LRRC31: variants seen among roughly 807,000 people sequenced by gnomAD.
LRRC31 encodes the protein leucine-rich repeat-containing protein 31.
In LRRC31, 35 loss-of-function variants were observed where a neutral mutation model predicts 46.7. The observed-to-expected ratio is 0.75, with a 90% confidence interval of 0.57 to 0.99. The LOEUF is 0.99. LRRC31 is among the 50% of genes least tolerant of loss of function. The probability of loss-of-function intolerance (pLI) is 0.00; values close to 1 mark genes in which losing one functional copy is unlikely to be tolerated. For missense variants in LRRC31, 613 were observed against 626.1 expected, an observed-to-expected ratio of 0.98 and a Z score of 0.22; for synonymous variants, 236 against 235.1, an observed-to-expected ratio of 1.00 and a Z score of -0.03.
chr3:169,856,973 G>A, intron 3 of LRRC31, 101 bp from the exon 4 acceptor site: 1 of 1,182,878 alleles, frequency 8.5e-7, no homozygotes, highest in Non-Finnish European at 1.2e-6. Flanking sequence ...TGTGGAAACT[G>A]GGCCAGGTAC....
intron 1 of LRRC31, among the ~76,000 whole-genome samples, chr3:169,862,344 C>CT (rs1781192438): frequency 6.6e-6 from 1 of 152,154 alleles, no homozygotes; most frequent in African/African-American, 2.4e-5. Context: ...GAAACTAGGC[C>CT]TGGGAGAGCT....
At chr3:169,857,345 T>TATACAC (rs1491209579) in intron 3 of LRRC31, among the ~76,000 whole-genome samples, 26 of 89,400 alleles carry the variant, frequency 2.9e-4, no homozygotes, top group African/African-American at 1.2e-3. Context: ...TATATATATA[T>TATACAC]ACACACACAC....
At chr3:169,844,945 A>G (rs1189755782) in intron 8 of LRRC31, among the ~76,000 whole-genome samples, 1 of 150,634 alleles carries the variant, frequency 6.6e-6, no homozygotes, top group Non-Finnish European at 1.5e-5. Context: ...AAAAAAAAAA[A>G]AAACAAAACA....
At chr3:169,849,968 G>T (rs1265813627) in intron 7 of LRRC31, among the ~76,000 whole-genome samples, 2 of 152,144 alleles carry the variant, frequency 1.3e-5, no homozygotes, top group Non-Finnish European at 2.9e-5. Flanking sequence ...CATCAGGCCT[G>T]CTACGTTAAC....
At chr3:169,857,345 T>TATATATATATACACACAC (rs1491209579) in intron 3 of LRRC31, among the ~76,000 whole-genome samples, 1 of 89,446 alleles carries the variant, frequency 1.1e-5, no homozygotes, top group Non-Finnish European at 2.1e-5. Flanking sequence ...TATATATATA[T>TATATATATATACACACAC]ACACACACAC....
Position 169,840,203 on chromosome 3 carries a change from G to C in LRRC31, c.1438C>G (p.Leu480Val). Residue 480 changes from leucine (L) to valine (V), a missense_variant, in exon 9 of 9, where the codon CTC (leucine) becomes GTC (valine). By Grantham distance (32) the Leu-to-Val change is conservative. Coordinates refer to ENST00000316428, the MANE Select transcript of LRRC31 (RefSeq NM_024727.4). ...ATATCCAGCTCGATTAGCTCTTTGA[G>C]GAACCGCACGTTTTGGCAGAACATG... Reference protein sequence around the residue: ...WTMFCQNVRFLKELIELDISL... With the variant: ...WTMFCQNVRFVKELIELDISL... The C allele has an allele frequency of 6.2e-7, 1 of 1,614,144 alleles. No homozygotes were observed. The highest frequency in any genetic ancestry group is 2.2e-5 in the East Asian group (1 of 44,892).
At chr3:169,869,194 A>T (rs1360333179) in intron 1 of LRRC31, among the ~76,000 whole-genome samples, 1 of 151,820 alleles carries the variant, frequency 6.6e-6, no homozygotes, top group African/African-American at 2.4e-5. Context: ...AATGCAGTGA[A>T]ACCCCATCTC....
At chr3:169,862,019 A>G (rs886710096) in intron 1 of LRRC31, among the ~76,000 whole-genome samples, 9 of 152,200 alleles carry the variant, frequency 5.9e-5, no homozygotes, top group African/African-American at 2.2e-4. Context: ...CTGCTTCAGG[A>G]GCCTGAGGAA....
rs763641316 is a variant in LRRC31 at position 169,854,895 on chromosome 3, C to T, written c.909G>A (p.Pro303=). ...GATGCTTTAGCATGACCAACTGAGC[C>T]GGCGAGTCTTCAAAACCTCCACCTA... ...KDLGGGFEDS[P]AQLVMLKHLQ... Residue 303 remains proline (P), a synonymous_variant, in exon 6 of 9, where the codon CCG becomes CCA. Transcript: ENST00000316428. The T allele has an allele frequency of 2.0e-5, 32 of 1,613,574 alleles. No homozygotes were observed. Among genetic ancestry groups the T allele is most frequent in the East Asian group, 6.7e-5 (3 of 44,892 alleles).
Position 169,861,725 on chromosome 3 carries a change from G to C in LRRC31, c.264C>G (p.Asn88Lys). ...CACAGTTATTCAAATCTAGACACTT[G>C]TTGACAGCCTTTTTGCCCAGCTTCT... ...FLQKLGKKAV[N>K]KCLDLNNCGL... is the part of the protein sequence containing the mutation. Residue 88 changes from asparagine to lysine, a missense_variant, in exon 2 of 9, where the codon AAC (asparagine) becomes AAG (lysine). Asn to Lys is a moderately conservative substitution (Grantham distance 94). Coordinates refer to ENST00000316428, the MANE Select transcript of LRRC31 (RefSeq NM_024727.4). 1.2e-6 allele frequency: 2 copies of C among 1,614,148 alleles called. No homozygotes were observed. Among genetic ancestry groups the C allele is most frequent in the Non-Finnish European group, 1.7e-6 (2 of 1,180,022 alleles).
intron 3 of LRRC31, among the ~76,000 whole-genome samples, chr3:169,857,345 T>TATATATATATATATATAC (rs1491209579): frequency 6.0e-4 from 54 of 89,410 alleles, no homozygotes; most frequent in South Asian, 1.8e-3. Flanking sequence ...TATATATATA[T>TATATATATATATATATAC]ACACACACAC....
At chr3:169,852,272 G>A (rs1045531794) in intron 6 of LRRC31, among the ~76,000 whole-genome samples, 1 of 151,134 alleles carries the variant, frequency 6.6e-6, no homozygotes, top group Non-Finnish European at 1.5e-5. Flanking sequence ...GCGCAGTGGC[G>A]GGCGCCTGTA....
chr3:169,844,404 G>C (rs762570367), intron 8 of LRRC31, among the ~76,000 whole-genome samples: 1 of 151,812 alleles, frequency 6.6e-6, no homozygotes, highest in South Asian at 2.1e-4. Context: ...GACAAAATTC[G>C]TTATAAGAAC....
chr3:169,865,273 T>C (rs529615803), intron 1 of LRRC31, among the ~76,000 whole-genome samples: 14 of 151,576 alleles, frequency 9.2e-5, no homozygotes, highest in Non-Finnish European at 1.5e-4. Context: ...AGAAAAATTA[T>C]ATGAAGCCTT....
At chr3:169,846,646 T>C (rs911334436) in intron 8 of LRRC31, among the ~76,000 whole-genome samples, 42 of 132,330 alleles carry the variant, frequency 3.2e-4, no homozygotes, top group Admixed American at 2.6e-3. Flanking sequence ...AAACTCTGTC[T>C]AAAAAAAAAA....
chr3:169,853,616 G>C, intron 6 of LRRC31: 7 of 985,780 alleles, frequency 7.1e-6, no homozygotes, highest in Non-Finnish European at 7.2e-6. Flanking sequence ...TAAGTAAAGG[G>C]GATGGTAGGA....
Position 169,869,747 on chromosome 3 carries a change from C to T in LRRC31, c.61G>A (p.Val21Ile), listed in dbSNP as rs1312260162. The T allele has an allele frequency of 1.2e-6, 2 of 1,613,252 alleles. No homozygotes were observed. Among genetic ancestry groups the T allele is most frequent in the Non-Finnish European group, 1.7e-6 (2 of 1,179,770 alleles). The change falls in exon 1 of 9, where the codon GTC becomes ATC. Residue 21 changes from valine to isoleucine, a missense_variant. Transcript: ENST00000316428. ...EGETKPQTST[V>I]NKFLRGSNAE... is the part of the protein sequence containing the mutation. ...TTGGAGCCCCTGAGAAATTTGTTGA[C>T]AGTTGAAGTCTGGGGCTTAGTTTCT... is the stretch of plus-strand genomic sequence containing the variant.
At chr3:169,861,531 A>C in intron 2 of LRRC31, 139 bp downstream of exon 2, 1 of 891,108 alleles carries the variant, frequency 1.1e-6, no homozygotes, top group South Asian at 2.0e-5. Flanking sequence ...AAAAAAAAAA[A>C]AAGCGATGCT....
chr3:169,860,471 G>C (rs1267982671), intron 3 of LRRC31, 90 bp downstream of exon 3: 3 of 1,346,136 alleles, frequency 2.2e-6, no homozygotes, highest in Non-Finnish European at 3.2e-6. Flanking sequence ...CAGGCAATCC[G>C]CCAGCCTCAG....
Sources: gnomAD v4.1 joint callset for allele counts (sites outside exome capture counted in the v4.1 genomes callset) on GRCh38, gnomAD v4.1.1 for gene constraint, MANE v1.5 for transcripts, NCBI Gene and HGNC (gene_info 2026-07-23, HGNC 2026-07-21) for gene names.